The following DTL variants were observed in gnomAD, a reference collection of about 807,000 sequenced individuals.
The protein encoded by DTL is denticleless E3 ubiquitin protein ligase adapter, also known as denticleless protein homolog.
Under a neutral mutation model 87.0 loss-of-function variants are expected in DTL, and 46 were observed. The observed-to-expected ratio is 0.53, with a 90% CI of 0.42 to 0.68. The LOEUF (loss-of-function observed/expected upper bound fraction) is 0.68, where lower values mean the gene tolerates loss of function less well. Among genes scored for constraint, DTL ranks in the 30% least tolerant of loss-of-function variants. DTL has a pLI of 0.00. For missense variants in DTL, 737 were observed against 869.4 expected (o/e 0.85, Z 1.91); for synonymous variants, 308 against 311.2 (o/e 0.99, Z 0.11).
intron 5 of DTL, among the ~76,000 whole-genome samples, chr1:212,050,327 C>A (rs1260773050): frequency 6.6e-6 from 1 of 152,156 alleles, no homozygotes; most frequent in Non-Finnish European, 1.5e-5. Flanking sequence ...ATAATCCTAA[C>A]TGGACATAGT....
intron 5 of DTL, among the ~76,000 whole-genome samples, chr1:212,061,854 G>A (rs1269499178): frequency 6.6e-6 from 1 of 152,192 alleles, no homozygotes; most frequent in African/African-American, 2.4e-5. Context: ...GCTGGAAAGT[G>A]AGTGGGTGTG....
chr1:212,076,009 C>T (rs12076757), intron 11 of DTL, among the ~76,000 whole-genome samples: 48,211 of 152,014 alleles, frequency 0.32, 9,015 homozygotes, highest in Middle Eastern at 0.43. Flanking sequence ...AGCATAATAT[C>T]GAGGTTCATC....
chr1:212,076,542 C>G, intron 11 of DTL, among the ~76,000 whole-genome samples: 1 of 50,882 alleles, frequency 2.0e-5, no homozygotes, highest in South Asian at 7.7e-4. Flanking sequence ...GAGAAAGGAC[C>G]AATATCATGA....
At chr1:212,046,272 T>C (rs1667805130) in intron 3 of DTL, among the ~76,000 whole-genome samples, 1 of 152,206 alleles carries the variant, frequency 6.6e-6, no homozygotes, top group Admixed American at 6.5e-5. Context: ...ACTGATTTTT[T>C]ATGTGTGCAT....
intron 5 of DTL, among the ~76,000 whole-genome samples, chr1:212,048,333 C>T (rs1291257693): frequency 6.6e-6 from 1 of 152,052 alleles, no homozygotes; most frequent in Non-Finnish European, 1.5e-5. Flanking sequence ...GGAGGGATTA[C>T]AGGAGCCTGC....
rs1558095178 is a variant in DTL at position 212,104,246 on chromosome 1, A to ACTGTGTACACTTTATGTCAGTT, written c.*1313_*1314insCACTTTATGTCAGTTCTGTGTA. 6.6e-6 allele frequency: 1 copy of ACTGTGTACACTTTATGTCAGTT among 151,390 alleles called. No homozygotes were observed. The highest frequency in any genetic ancestry group is 1.5e-5 in the Non-Finnish European group (1 of 67,834). 9.4% of individuals were successfully genotyped at this position (151,390 alleles called of 1,614,324 possible). On this transcript the variant is annotated 3_prime_UTR_variant, in exon 15 of 15. Coordinates refer to ENST00000366991, the MANE Select transcript of DTL (RefSeq NM_016448.4). ...ATTTGTTTTATCCATATCCCTGAGG[A>ACTGTGTACACTTTATGTCAGTT]CTGTGTAGACTTTATGTCAGTTTTT...
chr1:212,035,794 A>C lies in DTL; in HGVS notation c.-97A>C, dbSNP rs1246406638. On this transcript the variant is annotated 5_prime_UTR_variant, in exon 1 of 15. Transcript: ENST00000366991. The stretch of plus-strand genomic sequence containing the variant: ...ACAGTGGCGGGAGTTGGAGGCGATA[A>C]CGATTTGTGTTGTGAGAGGCGCAAG... 7 of 1,206,502 alleles carry C rather than the reference A, an allele frequency of 5.8e-6. No homozygotes were observed. The Admixed American group carries it at 1.2e-4, about 20-fold the overall frequency. 74.7% of individuals were successfully genotyped at this position (1,206,502 alleles called of 1,614,324 possible). A position where few individuals can be genotyped will look rare whatever the true frequency, so the allele number is the denominator to read the frequency against.
intron 13 of DTL, among the ~76,000 whole-genome samples, chr1:212,081,005 G>A (rs1654975452): frequency 6.6e-6 from 1 of 152,052 alleles, no homozygotes; most frequent in African/African-American, 2.4e-5. Context: ...GTTCTTAGTT[G>A]CTAGGGATTC....
chr1:212,084,155 C>T (rs1266357394), intron 13 of DTL, among the ~76,000 whole-genome samples: 1 of 151,240 alleles, frequency 6.6e-6, no homozygotes, highest in Non-Finnish European at 1.5e-5. Context: ...TTTGATGGTG[C>T]TGCCTTATTT....
At chr1:212,054,592 G>A (rs1318381441) in intron 5 of DTL, among the ~76,000 whole-genome samples, 7 of 151,840 alleles carry the variant, frequency 4.6e-5, no homozygotes, top group Non-Finnish European at 8.8e-5. Context: ...TCAGGAGTTC[G>A]AGACCAGCCT....
intron 5 of DTL, among the ~76,000 whole-genome samples, chr1:212,060,596 C>T (rs1330092879): frequency 6.6e-6 from 1 of 151,886 alleles, no homozygotes; most frequent in Non-Finnish European, 1.5e-5. Context: ...ATTAGCTTGA[C>T]GTGGTAGGCG....
At chr1:212,041,386 A>G (rs1223852356) in intron 1 of DTL, among the ~76,000 whole-genome samples, 1 of 146,986 alleles carries the variant, frequency 6.8e-6, no homozygotes, top group Non-Finnish European at 1.5e-5. Flanking sequence ...TTTGCAGTTG[A>G]TTTTTTTTTT....
chr1:212,082,247 C>T (rs1190029707), intron 13 of DTL, among the ~76,000 whole-genome samples: 2 of 152,090 alleles, frequency 1.3e-5, no homozygotes, highest in African/African-American at 4.8e-5. Flanking sequence ...ATTTGGTGAC[C>T]TTAATGAGTG....
chr1:212,063,253 C>G (rs1457701231), intron 6 of DTL, among the ~76,000 whole-genome samples: 1 of 150,500 alleles, frequency 6.6e-6, no homozygotes, highest in Non-Finnish European at 1.5e-5. Flanking sequence ...TGGTAAATGT[C>G]TTTATTTTGG....
intron 5 of DTL, chr1:212,051,531 A>G: frequency 1.9e-6 from 1 of 523,456 alleles, no homozygotes; most frequent in Non-Finnish European, 3.4e-6. Flanking sequence ...CTATTATGCC[A>G]TGAATTCATA....
chr1:212,078,166 G>C lies in DTL; in HGVS notation c.1036-7G>C. The C allele has an allele frequency of 6.4e-7, 1 of 1,569,232 alleles. No individual in the cohort carries two copies. The highest frequency in any genetic ancestry group is 1.7e-4 in the Middle Eastern group (1 of 5,966). On this transcript the variant is annotated splice_polypyrimidine_tract_variant and splice_region_variant and intron_variant, in intron 11 of 14. Coordinates refer to ENST00000366991, the MANE Select transcript of DTL (RefSeq NM_016448.4). ...TTTGCTGACTTGTTTGTTTTTGATTGGACTAGGTCTCCACACCCTGGCAAC... is the reference window on the plus strand; with the variant it reads ...TTTGCTGACTTGTTTGTTTTTGATTCGACTAGGTCTCCACACCCTGGCAAC...
chr1:212,102,782 A>G (rs1004929230), intron 14 of DTL, 60 bp from the exon 15 acceptor site: 2 of 1,227,826 alleles, frequency 1.6e-6, no homozygotes, highest in African/African-American at 3.0e-5. Context: ...TGCCTTAGTA[A>G]TAACTTAGTA....
intron 2 of DTL, 42 bp downstream of exon 2, chr1:212,043,160 T>A: frequency 3.8e-6 from 6 of 1,584,060 alleles, no homozygotes; most frequent in Non-Finnish European, 4.3e-6. Context: ...ACAGAAATGA[T>A]CTATTTCACA....
Position 212,080,734 on chromosome 1 carries a change from G to A in DTL, c.1245G>A (p.Glu415=), listed in dbSNP as rs770574598. 1 of 1,613,536 alleles carries A rather than the reference G, an allele frequency of 6.2e-7. No individual in the cohort carries two copies. The highest frequency in any genetic ancestry group is 2.2e-5 in the East Asian group (1 of 44,858). ...GTTGGGCCTCTCAGAAGAAAAAAGAGTCAAGACCTGGCCTAGGTAAGGATA... is the reference window on the plus strand; with the variant it reads ...GTTGGGCCTCTCAGAAGAAAAAAGAATCAAGACCTGGCCTAGGTAAGGATA... ...TVGWASQKKK[E]SRPGLVTVTS... The change falls in exon 13 of 15, where the codon GAG becomes GAA. Residue 415 remains glutamate, a synonymous_variant. Coordinates refer to ENST00000366991, the MANE Select transcript of DTL (RefSeq NM_016448.4).
Sources: gnomAD v4.1 joint callset for allele counts (sites outside exome capture counted in the v4.1 genomes callset) on GRCh38, gnomAD v4.1.1 for gene constraint, MANE v1.5 for transcripts, NCBI Gene and HGNC (gene_info 2026-07-23, HGNC 2026-07-21) for gene names.